COPA: variants seen among roughly 807,000 people sequenced by gnomAD.
COPA encodes coatomer subunit alpha.
Under a neutral mutation model 158.7 loss-of-function variants are expected in COPA, and 10 were observed. The observed-to-expected ratio is 0.06, with a 90% confidence interval of 0.04 to 0.11. The LOEUF is 0.11. Among genes scored for constraint, COPA ranks in the 10% least tolerant of loss-of-function variants. The probability of loss-of-function intolerance (pLI) is 1.00; values close to 1 mark genes in which losing one functional copy is unlikely to be tolerated. For missense variants in COPA, 1,065 were observed against 1,536.7 expected (o/e 0.69, Z 5.13); for synonymous variants, 462 against 542.8 (o/e 0.85, Z 2.07).
chr1:160,321,514 G>A (rs1659329707), intron 8 of COPA, among the ~76,000 whole-genome samples: 1 of 152,170 alleles, frequency 6.6e-6, no homozygotes, highest in Non-Finnish European at 1.5e-5. Flanking sequence ...ATGACCAGGT[G>A]CAGTGGCTCA....
chr1:160,312,930 GA>G (rs72188207), intron 10 of COPA, among the ~76,000 whole-genome samples, 154 bp downstream of exon 10: 1 of 151,942 alleles, frequency 6.6e-6, no homozygotes, highest in African/African-American at 2.4e-5. Flanking sequence ...TAAAGTGGAA[GA>G]AAAAAAGGAG....
At chr1:160,312,296 TATC>T (rs1234070310) in intron 10 of COPA, among the ~76,000 whole-genome samples, 1 of 152,204 alleles carries the variant, frequency 6.6e-6, no homozygotes, top group Non-Finnish European at 1.5e-5. Context: ...TTACAGTACT[TATC>T]ATCCTGCACT....
chr1:160,294,862 A>G lies in COPA; in HGVS notation c.2477-5T>C. 6.2e-7 allele frequency: 1 copy of G among 1,610,214 alleles called. No individual in the cohort carries two copies. On this transcript the variant is annotated splice_polypyrimidine_tract_variant and splice_region_variant and intron_variant, in intron 23 of 32. Transcript: ENST00000241704. ...CAGCCAGTGCTCCTCCCTTCCCTAC[A>G]GAGGGAAGGAACAGAACGGAACTGG...
chr1:160,337,121 T>C (rs963095394), intron 3 of COPA, among the ~76,000 whole-genome samples: 2 of 152,230 alleles, frequency 1.3e-5, no homozygotes, highest in African/African-American at 4.8e-5. Flanking sequence ...CTGACTTTTT[T>C]CCCCTTATAG....
intron 6 of COPA, among the ~76,000 whole-genome samples, chr1:160,328,411 GAA>G (rs2101866758): frequency 6.6e-6 from 1 of 152,344 alleles, no homozygotes; most frequent in Admixed American, 6.5e-5. Flanking sequence ...GACAGGCAGT[GAA>G]AAGATACTCA....
chr1:160,320,535 G>C (rs535017333), intron 8 of COPA, among the ~76,000 whole-genome samples: 1 of 149,084 alleles, frequency 6.7e-6, no homozygotes, highest in African/African-American at 2.5e-5. Flanking sequence ...TTTGAACCCA[G>C]GAGGTGGAGG....
intron 3 of COPA, among the ~76,000 whole-genome samples, chr1:160,339,178 C>G: frequency 7.5e-6 from 1 of 132,566 alleles, no homozygotes; most frequent in African/African-American, 3.6e-5. Flanking sequence ...TATTGGCCAT[C>G]ACCCAACAGA....
intron 12 of COPA, among the ~76,000 whole-genome samples, chr1:160,309,901 A>AAT (rs150120947): frequency 8.6e-5 from 13 of 151,560 alleles, no homozygotes; most frequent in Non-Finnish European, 1.3e-4. Context: ...TTCCATAGGA[A>AAT]ATATATATAT....
intron 6 of COPA, among the ~76,000 whole-genome samples, chr1:160,331,738 A>G (rs1038569306): frequency 6.6e-6 from 1 of 151,986 alleles, no homozygotes; most frequent in Non-Finnish European, 1.5e-5. Context: ...TCACAAGGTC[A>G]GGAGTTTGAG....
chr1:160,297,872 C>T, intron 19 of COPA, 127 bp from the exon 20 acceptor site: 4 of 1,042,270 alleles, frequency 3.8e-6, no homozygotes, highest in East Asian at 2.5e-5. Flanking sequence ...TTACTCCTAG[C>T]TTTTAGTCTA....
Position 160,298,940 on chromosome 1 carries a change from A to G in COPA, c.1882T>C (p.Tyr628His), listed in dbSNP as rs1658502811. The change falls in exon 19 of 33, where the codon TAT becomes CAT. Residue 628 changes from tyrosine (Y) to histidine (H), a missense_variant. Tyr to His is a moderately conservative substitution (Grantham distance 83, BLOSUM62 2). Transcript: ENST00000241704. Reference sequence around the variant, plus strand: ...TCAGGATAGCCCTTCTTCTGGAGATAAGCAATAATAGACTGGCCAACTAGT... The same window carrying G: ...TCAGGATAGCCCTTCTTCTGGAGATGAGCAATAATAGACTGGCCAACTAGT... ...AKLVGQSIIA[Y>H]LQKKGYPEVA... The G allele has an allele frequency of 7.4e-6, 12 of 1,614,104 alleles. No homozygotes were observed. In the East Asian group the frequency reaches 2.7e-4, roughly 36 times the overall value.
chr1:160,298,649 G>A (rs533094183), intron 19 of COPA, among the ~76,000 whole-genome samples, 196 bp downstream of exon 19: 15 of 152,202 alleles, frequency 9.9e-5, no homozygotes, highest in African/African-American at 9.6e-5. Flanking sequence ...ATAGAAATGC[G>A]GTGGCAGAAG....
intron 8 of COPA, among the ~76,000 whole-genome samples, chr1:160,319,914 C>CA (rs80269064): frequency 0.49 from 37,136 of 75,278 alleles, 8,744 homozygotes; most frequent in South Asian, 0.63. Flanking sequence ...ACACCTATGT[C>CA]AAAAAAAAAA....
At chr1:160,329,037 C>G (rs138820952) in intron 6 of COPA, among the ~76,000 whole-genome samples, 93 of 152,330 alleles carry the variant, frequency 6.1e-4, no homozygotes, top group African/African-American at 2.2e-3. Context: ...AAGCACTGGT[C>G]TTTAACAGAT....
At position 160,306,227 on chromosome 1, in the gene COPA, A is replaced by C. The variant is rs1658781216; in HGVS notation, c.1442+127T>G. The C allele has an allele frequency of 6.9e-6, 7 of 1,021,796 alleles. No individual in the cohort carries two copies. The South Asian group carries it at 1.0e-4, about 15-fold the overall frequency. 63.3% of individuals were successfully genotyped at this position (1,021,796 alleles called of 1,614,324 possible). A position where few individuals can be genotyped will look rare whatever the true frequency, so the allele number is the denominator to read the frequency against. ...TCACAGAAGGGAAAAGTTACTATAA[A>C]GAGTCTTGGAGCACAAGAAGTGGCC... On this transcript the variant is annotated intron_variant, in intron 15 of 32. Coordinates refer to ENST00000241704, the MANE Select transcript of COPA (RefSeq NM_004371.4).
intron 17 of COPA, chr1:160,305,150 C>T (rs1045623852): frequency 6.3e-5 from 16 of 252,770 alleles, no homozygotes; most frequent in Non-Finnish European, 1.1e-4. Context: ...TCTGGGGTGC[C>T]GGAACTGTTC....
At chr1:160,327,785 G>C (rs986133653) in intron 6 of COPA, among the ~76,000 whole-genome samples, 4 of 151,768 alleles carry the variant, frequency 2.6e-5, no homozygotes, top group African/African-American at 9.7e-5. Flanking sequence ...TTGAACCCGG[G>C]AGACGGAGGC....
At chr1:160,316,545 G>A (rs1217045476) in intron 8 of COPA, among the ~76,000 whole-genome samples, 2 of 151,900 alleles carry the variant, frequency 1.3e-5, no homozygotes, top group Non-Finnish European at 2.9e-5. Context: ...AAGGTCAGGA[G>A]TTTGCAACCA....
intron 22 of COPA, 99 bp from the exon 23 acceptor site, chr1:160,295,958 C>A (rs1571151001): frequency 1.3e-6 from 2 of 1,579,462 alleles, no homozygotes; most frequent in East Asian, 2.2e-5. Context: ...TTCTCTGCCT[C>A]TCCTGGTAAC....
Sources: allele counts gnomAD v4.1 joint callset (sites outside exome capture counted in the v4.1 genomes callset), GRCh38; gene constraint gnomAD v4.1.1; transcripts MANE v1.5; gene names NCBI Gene and HGNC (gene_info 2026-07-23, HGNC 2026-07-21).